Variants in MAGI2 observed in about 807,000 individuals in gnomAD.
MAGI2 encodes the protein membrane associated guanylate kinase, WW and PDZ domain containing 2.
In MAGI2, 35 loss-of-function variants were observed where a neutral mutation model predicts 133.3. The ratio of observed to expected loss-of-function variants is 0.26; its 90% CI spans 0.20 to 0.35. The LOEUF is 0.35. MAGI2 is among the 10% of genes least tolerant of loss of function. The pLI, the probability that MAGI2 is intolerant of heterozygous loss-of-function variation, is 1.00. For missense variants in MAGI2, 1,636 were observed against 1,863.4 expected (o/e 0.88, Z 2.25); for synonymous variants, 729 against 710.6 (o/e 1.03, Z -0.41).
chr7:79,400,476 C>T (rs1845391334), intron 1 of MAGI2, among the ~76,000 whole-genome samples: 1 of 152,140 alleles, frequency 6.6e-6, no homozygotes, highest in African/African-American at 2.4e-5. Context: ...TTACAGCTCA[C>T]AGTTAACATA....
At chr7:78,676,810 G>A (rs1005126192) in intron 2 of MAGI2, among the ~76,000 whole-genome samples, 11 of 151,920 alleles carry the variant, frequency 7.2e-5, no homozygotes, top group African/African-American at 2.4e-4. Context: ...TTTTAATTTT[G>A]TGTCTTTTCA....
At chr7:79,383,835 C>A (rs1843982899) in intron 1 of MAGI2, among the ~76,000 whole-genome samples, 1 of 151,294 alleles carries the variant, frequency 6.6e-6, no homozygotes, top group Non-Finnish European at 1.5e-5. Context: ...GATACAGCAA[C>A]CCGAAAGTTG....
At chr7:79,136,223 G>A (rs1180650252) in intron 1 of MAGI2, among the ~76,000 whole-genome samples, 2 of 152,146 alleles carry the variant, frequency 1.3e-5, no homozygotes, top group Non-Finnish European at 2.9e-5. Context: ...TCTTATATTT[G>A]TCTTTCCTAT....
chr7:79,375,972 T>G (rs1370780285), intron 1 of MAGI2, among the ~76,000 whole-genome samples: 1 of 151,976 alleles, frequency 6.6e-6, no homozygotes, highest in Non-Finnish European at 1.5e-5. Context: ...TGGTTTAATT[T>G]TTTTTCTTAA....
chr7:78,919,562 A>T (rs1799069090), intron 2 of MAGI2, among the ~76,000 whole-genome samples: 1 of 152,154 alleles, frequency 6.6e-6, no homozygotes, highest in Non-Finnish European at 1.5e-5. Flanking sequence ...TGAAGCTATT[A>T]ATTCAGTAAT....
At chr7:78,490,090 C>A (rs1793461803) in intron 5 of MAGI2, 3 of 457,324 alleles carry the variant, frequency 6.6e-6, no homozygotes, top group Admixed American at 3.7e-5. Context: ...GCCAAGTTAA[C>A]CTCATTGAAA....
intron 1 of MAGI2, among the ~76,000 whole-genome samples, chr7:79,446,641 A>G (rs568144440): frequency 3.9e-4 from 59 of 152,278 alleles, no homozygotes; most frequent in African/African-American, 1.3e-3. Context: ...TCATTAGCCT[A>G]ATGGATCTTT....
At chr7:79,342,297 G>A (rs947521689) in intron 1 of MAGI2, among the ~76,000 whole-genome samples, 7 of 152,186 alleles carry the variant, frequency 4.6e-5, no homozygotes, top group African/African-American at 7.2e-5. Flanking sequence ...AGAATAACTC[G>A]GTCCCCTGTG....
intron 2 of MAGI2, among the ~76,000 whole-genome samples, chr7:78,871,688 C>T (rs1795038462): frequency 6.6e-6 from 1 of 151,604 alleles, no homozygotes; most frequent in African/African-American, 2.4e-5. Context: ...TATCATATAC[C>T]TAACTTACGT....
intron 10 of MAGI2, among the ~76,000 whole-genome samples, chr7:78,223,010 T>TG (rs1213081231): frequency 2.0e-5 from 3 of 152,242 alleles, no homozygotes; most frequent in African/African-American, 7.2e-5. Flanking sequence ...AACATGGTTA[T>TG]GGGGGGATAC....
intron 2 of MAGI2, among the ~76,000 whole-genome samples, chr7:78,712,605 A>C (rs1480864078): frequency 6.6e-6 from 1 of 152,206 alleles, no homozygotes; most frequent in Non-Finnish European, 1.5e-5. Context: ...AAAGAAGTAG[A>C]GTTTCATCAA....
chr7:79,324,054 T>C (rs1471015230), intron 1 of MAGI2, among the ~76,000 whole-genome samples: 1 of 152,164 alleles, frequency 6.6e-6, no homozygotes, highest in East Asian at 1.9e-4. Flanking sequence ...GTATGTGATT[T>C]AGGGCAAATC....
At chr7:78,062,356 C>CT (rs1813373607) in intron 21 of MAGI2, among the ~76,000 whole-genome samples, 2 of 152,164 alleles carry the variant, frequency 1.3e-5, no homozygotes, top group Admixed American at 1.3e-4. Flanking sequence ...AGGCGAAGGC[C>CT]ACTTCCCACC....
At chr7:78,021,875 A>G (rs1011175095) in intron 21 of MAGI2, among the ~76,000 whole-genome samples, 1 of 152,186 alleles carries the variant, frequency 6.6e-6, no homozygotes, top group African/African-American at 2.4e-5. Context: ...TGTGAGACAT[A>G]CACTTTCTAA....
intron 10 of MAGI2, among the ~76,000 whole-genome samples, chr7:78,206,527 A>G (rs1584390289): frequency 1.3e-5 from 2 of 152,012 alleles, no homozygotes; most frequent in Admixed American, 6.6e-5. Flanking sequence ...TCCTGATCTC[A>G]TGATCCACCC....
chr7:79,286,811 A>G (rs1221935182), intron 1 of MAGI2, among the ~76,000 whole-genome samples: 2 of 152,048 alleles, frequency 1.3e-5, no homozygotes, highest in Non-Finnish European at 2.9e-5. Context: ...TCTCAGCCCA[A>G]TCCTTCAAAG....
chr7:79,264,736 A>G (rs768043339), intron 1 of MAGI2, among the ~76,000 whole-genome samples: 11 of 152,048 alleles, frequency 7.2e-5, no homozygotes, highest in Non-Finnish European at 1.5e-4. Context: ...AATGTCAGGA[A>G]AGGTTCAGAC....
intron 2 of MAGI2, among the ~76,000 whole-genome samples, chr7:78,704,594 G>C (rs977970065): frequency 6.6e-6 from 1 of 152,022 alleles, no homozygotes; most frequent in Admixed American, 6.6e-5. Flanking sequence ...AGAGACACAT[G>C]CATGCACATG....
chr7:78,327,965 T>C (rs1006632227), intron 9 of MAGI2, among the ~76,000 whole-genome samples: 2 of 152,178 alleles, frequency 1.3e-5, no homozygotes, highest in Non-Finnish European at 2.9e-5. Context: ...ATAAGAGCCT[T>C]GGAAATTTAC....
Sources: gnomAD v4.1 joint callset for allele counts (sites outside exome capture counted in the v4.1 genomes callset) on GRCh38, gnomAD v4.1.1 for gene constraint, MANE v1.5 for transcripts, NCBI Gene and HGNC (gene_info 2026-07-23, HGNC 2026-07-21) for gene names.